Variants in ATP8A2 observed in about 807,000 individuals in gnomAD.
The protein encoded by ATP8A2 is phospholipid-transporting ATPase IB.
ATP8A2 carries 100 observed loss-of-function variants against 165.6 expected under a neutral mutation model. The observed-to-expected ratio is 0.60, with a 90% CI of 0.51 to 0.71. The LOEUF (loss-of-function observed/expected upper bound fraction) is 0.71. ATP8A2 is among the 30% of genes least tolerant of loss of function. ATP8A2 has a pLI of 0.00. For missense variants in ATP8A2, 1,227 were observed against 1,479.5 expected (o/e 0.83, Z 2.80); for synonymous variants, 543 against 548.8 (o/e 0.99, Z 0.15).
chr13:25,624,294 G>T (rs976777605), intron 24 of ATP8A2, among the ~76,000 whole-genome samples: 2 of 152,140 alleles, frequency 1.3e-5, no homozygotes, highest in Non-Finnish European at 2.9e-5. Context: ...AAATCAAGGG[G>T]CCAGGATTCC....
Position 25,615,006 on chromosome 13 carries a change from G to A in ATP8A2, c.2211+25307G>A, listed in dbSNP as rs552289312. On this transcript the variant is annotated intron_variant, in intron 24 of 36. Transcript: ENST00000381655. ...GAGGTGGCACTTTCAAGAGACCATC[G>A]GCTTTGGTAGTATAGGGGGATACAA... is the stretch of plus-strand genomic sequence containing the variant. Among the ~76,000 whole-genome samples the A allele has an allele frequency of 3.0e-4, 45 of 152,312 alleles. 1 individual carries two copies. The South Asian group carries it at 8.3e-3, about 28-fold the overall frequency.
chr13:25,724,036 T>C (rs2043441485), intron 25 of ATP8A2, among the ~76,000 whole-genome samples: 1 of 152,034 alleles, frequency 6.6e-6, no homozygotes, highest in Admixed American at 6.5e-5. Flanking sequence ...AGCATGAAAA[T>C]GGGGCCCTCA....
At chr13:25,977,641 G>A (rs951225175) in intron 35 of ATP8A2, among the ~76,000 whole-genome samples, 5 of 152,194 alleles carry the variant, frequency 3.3e-5, no homozygotes, top group African/African-American at 1.2e-4. Flanking sequence ...TGTTGTTGTT[G>A]TTGTTGTTGT....
chr13:25,541,804 A>G lies in ATP8A2; in HGVS notation c.652-115A>G, dbSNP rs942666727. The stretch of plus-strand genomic sequence containing the variant: ...GACAGTTTGACTTGTTAGCCCCCCA[A>G]ATTATTGCACTGGAGATGCCTTATT... On this transcript the variant is annotated intron_variant, in intron 8 of 36. Transcript: ENST00000381655. The G allele has an allele frequency of 3.5e-6, 4 of 1,149,622 alleles. No homozygotes were observed. In the African/African-American group the frequency reaches 6.2e-5, roughly 18 times the overall value. 71.2% of individuals were successfully genotyped at this position (1,149,622 alleles called of 1,614,324 possible).
intron 25 of ATP8A2, among the ~76,000 whole-genome samples, chr13:25,748,682 G>A (rs1342077221): frequency 1.3e-5 from 2 of 152,160 alleles, no homozygotes; most frequent in African/African-American, 4.8e-5. Context: ...AGATGTTTCT[G>A]CTTCAGGGCC....
In ATP8A2 at chr13:25,551,507, A is replaced by G. The variant is rs920730278; in HGVS notation, c.1057+4A>G. Reference sequence around the variant, plus strand: ...AACTGGTACATCAAGAAGATGGGTAAGTGTCGGGGTGGGTTGCTTGTTCCA... The same window carrying G: ...AACTGGTACATCAAGAAGATGGGTAGGTGTCGGGGTGGGTTGCTTGTTCCA... On this transcript the variant is annotated splice_donor_region_variant and intron_variant, in intron 11 of 36. Coordinates refer to ENST00000381655, the MANE Select transcript of ATP8A2 (RefSeq NM_016529.6). The G allele has an allele frequency of 6.3e-7, 1 of 1,596,414 alleles. No homozygotes were observed. The highest frequency in any genetic ancestry group is 2.2e-5 in the East Asian group (1 of 44,452).
At chr13:25,627,708 G>A (rs1347217452) in intron 24 of ATP8A2, among the ~76,000 whole-genome samples, 1 of 152,162 alleles carries the variant, frequency 6.6e-6, no homozygotes, top group Non-Finnish European at 1.5e-5. Flanking sequence ...GTGGCATTTT[G>A]TTATGGCAGC....
In ATP8A2 at chr13:25,411,575, C is replaced by T. The variant is rs74042950; in HGVS notation, c.76+39287C>T. 3.7e-3 allele frequency among the ~76,000 whole-genome samples: 569 copies of T among 152,216 alleles called. 5 individuals are homozygous for T. Among genetic ancestry groups the T allele is most frequent in the African/African-American group, 0.013 (539 of 41,518 alleles). ...ACTGGCTTAACAAATTAAGTGTAGC[C>T]ATATAATGAGGTGCCATAGCTCTGT... On this transcript the variant is annotated intron_variant, in intron 1 of 36. Transcript: ENST00000381655.
intron 10 of ATP8A2, among the ~76,000 whole-genome samples, chr13:25,544,436 G>A (rs752143096): frequency 1.3e-5 from 2 of 152,212 alleles, no homozygotes; most frequent in Non-Finnish European, 2.9e-5. Flanking sequence ...AAAGAGGTAA[G>A]TATTAGAGGA....
chr13:25,547,989 G>A (rs928257841), intron 10 of ATP8A2, among the ~76,000 whole-genome samples: 3 of 152,020 alleles, frequency 2.0e-5, no homozygotes, highest in African/African-American at 4.8e-5. Flanking sequence ...ATTGGGAGGC[G>A]GAGGTGGGCA....
chr13:25,777,095 T>C (rs2044760016), intron 27 of ATP8A2, among the ~76,000 whole-genome samples: 1 of 152,176 alleles, frequency 6.6e-6, no homozygotes, highest in African/African-American at 2.4e-5. Context: ...TATATTTCAA[T>C]TGTAGCTGAG....
At chr13:25,961,475 T>C (rs1187117596) in intron 33 of ATP8A2, 100 bp from the exon 34 acceptor site, 3 of 996,968 alleles carry the variant, frequency 3.0e-6, no homozygotes, top group African/African-American at 3.2e-5. Context: ...TAGTGCGGTC[T>C]GTTGTTTTTG....
intron 27 of ATP8A2, among the ~76,000 whole-genome samples, chr13:25,779,063 A>C (rs2044809143): frequency 6.6e-6 from 1 of 152,052 alleles, no homozygotes; most frequent in Non-Finnish European, 1.5e-5. Context: ...ACACACTTAA[A>C]AATGGCTATG....
chr13:25,621,483 G>A (rs2040966922), intron 24 of ATP8A2, among the ~76,000 whole-genome samples: 1 of 152,010 alleles, frequency 6.6e-6, no homozygotes, highest in African/African-American at 2.4e-5. Flanking sequence ...TCTATAATCT[G>A]TGTTCTTCCC....
At chr13:25,656,437 G>A (rs140386122) in intron 24 of ATP8A2, among the ~76,000 whole-genome samples, 2 of 151,564 alleles carry the variant, frequency 1.3e-5, no homozygotes, top group African/African-American at 4.9e-5. Context: ...CATGATGCCC[G>A]GCTAATTTTT....
chr13:25,478,354 A>G (rs1363546999), intron 2 of ATP8A2, among the ~76,000 whole-genome samples: 2 of 152,078 alleles, frequency 1.3e-5, no homozygotes, highest in African/African-American at 4.8e-5. Flanking sequence ...TTGTTCTACT[A>G]CTTATAGCTG....
rs189948820 is a variant in ATP8A2 at position 25,987,984 on chromosome 13, T to G, written c.3377+19305T>G. Among the ~76,000 whole-genome samples, 3 of 152,354 alleles carry G rather than the reference T, an allele frequency of 2.0e-5. No homozygotes were observed. The East Asian group carries it at 5.8e-4, about 29-fold the overall frequency. On this transcript the variant is annotated intron_variant, in intron 35 of 36. Transcript: ENST00000381655. The stretch of plus-strand genomic sequence containing the variant: ...TATGGGATAGTTGATTTACTTTGGA[T>G]GATGCAGTATTTTTCAAGAGAAGTT...
intron 1 of ATP8A2, among the ~76,000 whole-genome samples, chr13:25,423,523 A>G (rs2034358596): frequency 6.6e-6 from 1 of 152,156 alleles, no homozygotes; most frequent in Admixed American, 6.5e-5. Context: ...GTACACTTCC[A>G]TGTGATTTTT....
At chr13:25,951,373 A>C (rs1955353837) in intron 33 of ATP8A2, among the ~76,000 whole-genome samples, 1 of 152,242 alleles carries the variant, frequency 6.6e-6, no homozygotes, top group Admixed American at 6.5e-5. Context: ...TGTTGAGTGA[A>C]AGAAGCCAGA....
Sources: allele counts gnomAD v4.1 joint callset (sites outside exome capture counted in the v4.1 genomes callset), GRCh38; gene constraint gnomAD v4.1.1; transcripts MANE v1.5; gene names NCBI Gene and HGNC (gene_info 2026-07-23, HGNC 2026-07-21).